BDP1: variants seen among roughly 807,000 people sequenced by gnomAD.
BDP1 encodes BDP1 general transcription factor IIIB subunit.
A neutral mutation model predicts 266.6 loss-of-function variants in BDP1; 169 were observed. That is an observed-to-expected ratio of 0.63 (90% CI 0.56 to 0.72). The LOEUF (loss-of-function observed/expected upper bound fraction) is 0.72, where lower values mean the gene tolerates loss of function less well. Among genes scored for constraint, BDP1 ranks in the 30% least tolerant of loss-of-function variants. BDP1 has a pLI of 0.00. For missense variants in BDP1, 3,015 were observed against 3,053.8 expected, an observed-to-expected ratio of 0.99 and a Z score of 0.30; for synonymous variants, 1,090 against 1,022.4, an observed-to-expected ratio of 1.07 and a Z score of -1.26.
At chr5:71,487,366 C>T (rs970195240) in intron 9 of BDP1, among the ~76,000 whole-genome samples, 2 of 152,040 alleles carry the variant, frequency 1.3e-5, no homozygotes, top group East Asian at 1.9e-4. Context: ...CTCAGCCTCC[C>T]GAGTAGCTGG....
intron 36 of BDP1, 111 bp from the exon 37 acceptor site, chr5:71,559,871 T>G: frequency 9.3e-7 from 1 of 1,070,502 alleles, no homozygotes; most frequent in Non-Finnish European, 1.3e-6. Flanking sequence ...AGCTTACTCT[T>G]ATTAGGGTAG....
intron 4 of BDP1, among the ~76,000 whole-genome samples, chr5:71,464,539 T>C (rs1761776861): frequency 6.6e-6 from 1 of 151,944 alleles, no homozygotes; most frequent in Admixed American, 6.6e-5. Flanking sequence ...TTTGTAATTT[T>C]AAAATTTTAA....
chr5:71,458,629 C>T lies in BDP1; in HGVS notation c.263C>T (p.Ser88Phe), dbSNP rs2150341017. ...GATGTTGAAGAATCCAGTAGATCTT[C>T]CTCTACTGTTTCACAGAGAAGAAAG... ...DNDVEESSRS[S>F]STVSQRRKRI... The change falls in exon 2 of 39, where the codon TCC becomes TTC. Residue 88 changes from serine to phenylalanine, a missense_variant. Physicochemically the swap from Ser to Phe is radical, Grantham distance 155 (BLOSUM62 -2). Coordinates refer to ENST00000358731, the MANE Select transcript of BDP1 (RefSeq NM_018429.3). The T allele has an allele frequency of 6.2e-7, 1 of 1,609,934 alleles. No individual in the cohort carries two copies. Among genetic ancestry groups the T allele is most frequent in the Non-Finnish European group, 8.5e-7 (1 of 1,176,186 alleles).
At chr5:71,504,572 T>G (rs1017071399) in intron 15 of BDP1, 49 bp from the exon 16 acceptor site, 1 of 1,528,504 alleles carries the variant, frequency 6.5e-7, no homozygotes, top group African/African-American at 1.4e-5. Context: ...AAATCTGTTA[T>G]GCCTCATTGT....
At position 71,532,356 on chromosome 5, in the gene BDP1, G is replaced by A. The variant is rs776014224; in HGVS notation, c.5821G>A (p.Glu1941Lys). 27 of 1,613,168 alleles carry A rather than the reference G, an allele frequency of 1.7e-5. No individual in the cohort carries two copies. In the Admixed American group the frequency reaches 4.3e-4, roughly 26 times the overall value. Residue 1941 changes from glutamate (E) to lysine (K), a missense_variant, in exon 26 of 39, where the codon GAA becomes AAA. Physicochemically the swap from Glu to Lys is moderately conservative, Grantham distance 56. Coordinates refer to ENST00000358731, the MANE Select transcript of BDP1 (RefSeq NM_018429.3). Reference sequence around the variant, plus strand: ...AGATGTAGGATGCATAGCTGTTGTTGAACATGAGCTACCAAACACAGATGT... The same window carrying A: ...AGATGTAGGATGCATAGCTGTTGTTAAACATGAGCTACCAAACACAGATGT... ...VPDVGCIAVV[E>K]HELPNTDVTT...
intron 26 of BDP1, among the ~76,000 whole-genome samples, chr5:71,532,657 A>G (rs1766317407): frequency 1.3e-5 from 2 of 152,236 alleles, no homozygotes; most frequent in Admixed American, 6.5e-5. Context: ...CAGTTGCATT[A>G]AATTTATACT....
downstream of BDP1, among the ~76,000 whole-genome samples, chr5:71,569,664 T>A (rs1744200843): frequency 6.6e-6 from 1 of 152,158 alleles, no homozygotes; most frequent in Non-Finnish European, 1.5e-5. Context: ...GAGGATCACT[T>A]GAGCCCAGAG....
intron 10 of BDP1, 79 bp downstream of exon 10, chr5:71,489,761 T>A: frequency 8.0e-7 from 1 of 1,244,560 alleles, no homozygotes; most frequent in East Asian, 2.3e-5. Flanking sequence ...AACTTAATTT[T>A]CTGTCTAGAT....
At chr5:71,501,096 C>CAAA (rs56336806) in intron 13 of BDP1, among the ~76,000 whole-genome samples, 1 of 135,856 alleles carries the variant, frequency 7.4e-6, no homozygotes. Context: ...GACCCTGTCT[C>CAAA]AAAAAAAAAA....
At chr5:71,483,024 A>G (rs1169014058) in intron 7 of BDP1, among the ~76,000 whole-genome samples, 2 of 152,228 alleles carry the variant, frequency 1.3e-5, no homozygotes, top group Non-Finnish European at 2.9e-5. Flanking sequence ...TTTACAAGTC[A>G]TATTAGTGGT....
At chr5:71,491,940 A>T (rs1347212473) in intron 11 of BDP1, among the ~76,000 whole-genome samples, 2 of 152,084 alleles carry the variant, frequency 1.3e-5, no homozygotes, top group Non-Finnish European at 2.9e-5. Context: ...GCTGGTCTTG[A>T]ACTGAGCTCA....
intron 25 of BDP1, among the ~76,000 whole-genome samples, chr5:71,526,074 G>A (rs1253690362): frequency 6.6e-6 from 1 of 152,166 alleles, no homozygotes; most frequent in Non-Finnish European, 1.5e-5. Flanking sequence ...GCACTTTGGG[G>A]GGCCAAGGCA....
chr5:71,490,428 A>C (rs143154145), intron 10 of BDP1, among the ~76,000 whole-genome samples: 1 of 152,306 alleles, frequency 6.6e-6, no homozygotes, highest in Admixed American at 6.5e-5. Context: ...ATTCACAACC[A>C]GGTTTTAGAA....
At chr5:71,467,538 G>C (rs745881650) in intron 6 of BDP1, 51 bp downstream of exon 6, 58 of 1,445,296 alleles carry the variant, frequency 4.0e-5, no homozygotes, top group Non-Finnish European at 5.4e-5. Flanking sequence ...GAAATGAATT[G>C]ACTGTTTCTG....
chr5:71,489,890 C>G (rs1763486984), intron 10 of BDP1, among the ~76,000 whole-genome samples: 1 of 152,146 alleles, frequency 6.6e-6, no homozygotes, highest in Non-Finnish European at 1.5e-5. Flanking sequence ...GGAGATTGTT[C>G]TCTAAAGTTT....
chr5:71,522,216 T>G, intron 22 of BDP1, 73 bp from the exon 23 acceptor site: 1 of 1,164,688 alleles, frequency 8.6e-7, no homozygotes, highest in Middle Eastern at 2.7e-4. Flanking sequence ...CCAAAATTGT[T>G]TGATGTAACA....
chr5:71,511,908 C>T (rs1764941298), intron 17 of BDP1, among the ~76,000 whole-genome samples: 1 of 152,034 alleles, frequency 6.6e-6, no homozygotes. Flanking sequence ...TGTTTCTTGC[C>T]CCACCTGACT....
intron 4 of BDP1, among the ~76,000 whole-genome samples, chr5:71,464,733 T>TTTA (rs1350605699): frequency 2.1e-5 from 3 of 143,572 alleles, no homozygotes; most frequent in East Asian, 4.2e-4. Flanking sequence ...TTTTTTTTTT[T>TTTA]TTTTGAGATG....
chr5:71,502,470 G>A lies in BDP1; in HGVS notation c.2049-129G>A, dbSNP rs563597112. The A allele has an allele frequency of 2.6e-5, 22 of 859,798 alleles. No individual in the cohort carries two copies. In the Admixed American group the frequency reaches 3.5e-4, roughly 14 times the overall value. 53.3% of individuals were successfully genotyped at this position (859,798 alleles called of 1,614,324 possible). A position where few individuals can be genotyped will look rare whatever the true frequency, so the allele number is the denominator to read the frequency against. The stretch of plus-strand genomic sequence containing the variant: ...ATTACAGGTGCGAGCCACTGCGCCC[G>A]GGCGGATTATGTCTTTTCAGGAAAC... On this transcript the variant is annotated intron_variant, in intron 14 of 38. Transcript: ENST00000358731.
Sources: allele counts gnomAD v4.1 joint callset (sites outside exome capture counted in the v4.1 genomes callset), GRCh38; gene constraint gnomAD v4.1.1; transcripts MANE v1.5; gene names NCBI Gene and HGNC (gene_info 2026-07-23, HGNC 2026-07-21).